Variants in RAB15 observed in about 807,000 individuals in gnomAD.
RAB15 encodes the protein RAB15, member RAS oncogene family, also known as ras-related protein Rab-15.
RAB15 carries 13 observed loss-of-function variants against 31.8 expected under a neutral mutation model. The ratio of observed to expected loss-of-function variants is 0.41; its 90% CI spans 0.27 to 0.65. RAB15 has a LOEUF of 0.65. RAB15 is among the 30% of genes least tolerant of loss of function. The pLI, the probability that RAB15 is intolerant of heterozygous loss-of-function variation, is 0.32. For missense variants in RAB15, 220 were observed against 277.3 expected (o/e 0.79, Z 1.47); for synonymous variants, 100 against 105.6 (o/e 0.95, Z 0.33).
At position 64,971,801 on chromosome 14, in the gene RAB15, T is replaced by A. The variant is rs960807724; in HGVS notation, c.124+152A>T. The A allele has an allele frequency of 1.8e-4, 129 of 732,036 alleles. No homozygotes were observed. The highest frequency in any genetic ancestry group is 1.4e-3 in the Middle Eastern group (6 of 4,148). 45.3% of individuals were successfully genotyped at this position (732,036 alleles called of 1,614,324 possible). ...GGACACCCTCACCTGCCAAAACCTA[T>A]GCTCACCCCGAGATTTATCCCGGAC... On this transcript the variant is annotated intron_variant, in intron 1 of 6. Coordinates refer to ENST00000533601, the MANE Select transcript of RAB15 (RefSeq NM_001308154.2). The surrounding 1 kb of genome is among the most constrained non-coding windows in gnomAD (Gnocchi z 4.1).
chr14:64,952,482 C>T lies in RAB15; in HGVS notation c.185+29G>A. The T allele has an allele frequency of 1.3e-6, 2 of 1,581,528 alleles. No homozygotes were observed. The highest frequency in any genetic ancestry group is 1.7e-6 in the Non-Finnish European group (2 of 1,151,042). On this transcript the variant is annotated intron_variant, in intron 2 of 6. Transcript: ENST00000533601. This position sits in a 1 kb window ranked among gnomAD's most constrained non-coding sequence, Gnocchi z 4.2. ...AGCAGCCAGAAGTCCTCTTCTCCTA[C>T]ATCTGCCTCCTCCTCCTCCCCAGCT...
Position 64,971,736 on chromosome 14 carries a change from G to A in RAB15, c.124+217C>T. ...TGGGACGGAAGGCTTCCCGGCAAGAGGCGGGAGACCCCACCCCTGGTCCGG... is the reference window on the plus strand; with the variant it reads ...TGGGACGGAAGGCTTCCCGGCAAGAAGCGGGAGACCCCACCCCTGGTCCGG... On this transcript the variant is annotated intron_variant, in intron 1 of 6. Transcript: ENST00000533601. This position sits in a 1 kb window ranked among gnomAD's most constrained non-coding sequence, Gnocchi z 4.1. 1 of 567,262 alleles carries A rather than the reference G, an allele frequency of 1.8e-6. No individual in the cohort carries two copies. The highest frequency in any genetic ancestry group is 2.1e-5 in the South Asian group (1 of 48,576). 35.1% of individuals were successfully genotyped at this position (567,262 alleles called of 1,614,324 possible).
intron 1 of RAB15, among the ~76,000 whole-genome samples, chr14:64,963,040 C>G (rs943538274): frequency 6.6e-6 from 1 of 151,866 alleles, no homozygotes; most frequent in Non-Finnish European, 1.5e-5. Flanking sequence ...GCCCACCGTC[C>G]CTGTGTAGGT....
Position 64,951,227 on chromosome 14 carries a change from A to T in RAB15, c.247-76T>A. ...CATGGGGCCAGAAGGGGCCGTGGAA[A>T]CTTAAAGGTTGGGTCCCACTCTCCC... On this transcript the variant is annotated intron_variant, in intron 3 of 6. Transcript: ENST00000533601. The surrounding 1 kb of genome is among the most constrained non-coding windows in gnomAD (Gnocchi z 7.2). 1 of 1,275,444 alleles carries T rather than the reference A, an allele frequency of 7.8e-7. No individual in the cohort carries two copies. The highest frequency in any genetic ancestry group is 1.1e-6 in the Non-Finnish European group (1 of 895,672). The allele number at this position is 1,275,444 out of a possible 1,614,324, so 79.0% of individuals were successfully genotyped here.
Position 64,948,693 on chromosome 14 carries a change from G to C in RAB15, c.455C>G (p.Ala152Gly), listed in dbSNP as rs1886060421. 16 of 1,614,110 alleles carry C rather than the reference G, an allele frequency of 9.9e-6. No individual in the cohort carries two copies. The highest frequency in any genetic ancestry group is 1.2e-5 in the Non-Finnish European group (14 of 1,180,020). Reference sequence around the variant, plus strand: ...CTCTTTAATGTTGAGGTTGGTGCAGGCACTTGTTTCATAGAAGTCCATGCC... The same window carrying C: ...CTCTTTAATGTTGAGGTTGGTGCAGCCACTTGTTTCATAGAAGTCCATGCC... ...EYGMDFYETS[A>G]CTNLNIKESF... The change falls in exon 6 of 7, where the codon GCC becomes GGC. Residue 152 changes from alanine (A) to glycine (G), a missense_variant. Physicochemically the swap from Ala to Gly is moderately conservative, Grantham distance 60. Transcript: ENST00000533601. The surrounding 1 kb of genome is among the most constrained non-coding windows in gnomAD (Gnocchi z 7.0).
chr14:64,964,699 C>T (rs1887034842), intron 1 of RAB15, among the ~76,000 whole-genome samples: 1 of 151,516 alleles, frequency 6.6e-6, no homozygotes, highest in South Asian at 2.1e-4. Context: ...CCTCAGCCTC[C>T]CGAGTAGCTA....
Position 64,968,730 on chromosome 14 carries a change from T to G in RAB15, c.124+3223A>C, listed in dbSNP as rs1395195980. On this transcript the variant is annotated intron_variant, in intron 1 of 6. Coordinates refer to ENST00000533601, the MANE Select transcript of RAB15 (RefSeq NM_001308154.2). The surrounding 1 kb of genome is among the most constrained non-coding windows in gnomAD (Gnocchi z 4.9). ...GTCTCTAAAATGCCTGGCACAGAGC[T>G]TGGTAGTGAATGCTCAATTAATTTG... Among the ~76,000 whole-genome samples the G allele has an allele frequency of 6.6e-6, 1 of 152,210 alleles. No individual in the cohort carries two copies. Among genetic ancestry groups the G allele is most frequent in the Non-Finnish European group, 1.5e-5 (1 of 68,044 alleles).
chr14:64,949,749 A>AAAG (rs1161539905), intron 5 of RAB15, among the ~76,000 whole-genome samples: 2 of 148,878 alleles, frequency 1.3e-5, no homozygotes, highest in African/African-American at 5.0e-5. Flanking sequence ...AGAAAGAAAG[A>AAAG]AAAAAAAAAT....
Position 64,950,895 on chromosome 14 carries a change from G to A in RAB15, c.324+179C>T, listed in dbSNP as rs1353958739. 2 of 1,307,990 alleles carry A rather than the reference G, an allele frequency of 1.5e-6. No individual in the cohort carries two copies. Among genetic ancestry groups the A allele is most frequent in the Non-Finnish European group, 2.2e-6 (2 of 916,378 alleles). 81.0% of individuals were successfully genotyped at this position (1,307,990 alleles called of 1,614,324 possible). A position where few individuals can be genotyped will look rare whatever the true frequency, so the allele number is the denominator to read the frequency against. On this transcript the variant is annotated intron_variant, in intron 4 of 6. Transcript: ENST00000533601. This position sits in a 1 kb window ranked among gnomAD's most constrained non-coding sequence, Gnocchi z 5.6. ...AGCCGTGGAGGCCTGGCAGGGTATA[G>A]AGAGTGAGGGCATGGCAGCTTCGGT...
chr14:64,971,284 T>A lies in RAB15; in HGVS notation c.124+669A>T, dbSNP rs1280513069. ...GAGATGCCCTCAGGCGGGTCCTGCC[T>A]GCCTTCTGACCCCTTGGTCTGGGCA... On this transcript the variant is annotated intron_variant, in intron 1 of 6. Coordinates refer to ENST00000533601, the MANE Select transcript of RAB15 (RefSeq NM_001308154.2). This position sits in a 1 kb window ranked among gnomAD's most constrained non-coding sequence, Gnocchi z 4.1. Among the ~76,000 whole-genome samples the A allele has an allele frequency of 6.6e-6, 1 of 152,216 alleles. No individual in the cohort carries two copies. The highest frequency in any genetic ancestry group is 1.9e-4 in the East Asian group (1 of 5,186).
intron 1 of RAB15, among the ~76,000 whole-genome samples, chr14:64,965,907 C>G (rs1356740546): frequency 6.6e-6 from 1 of 152,004 alleles, no homozygotes; most frequent in East Asian, 1.9e-4. Context: ...ATGTTCCTTC[C>G]CAAGGTCATG....
At chr14:64,965,337 T>C (rs1887079597) in intron 1 of RAB15, among the ~76,000 whole-genome samples, 1 of 151,974 alleles carries the variant, frequency 6.6e-6, no homozygotes, top group African/African-American at 2.4e-5. Context: ...TGCATGCTTG[T>C]AATCCCAGCT....
rs571352703 is a variant in RAB15 at position 64,964,639 on chromosome 14, G to A, written c.124+7314C>T. 6.6e-5 allele frequency among the ~76,000 whole-genome samples: 10 copies of A among 151,918 alleles called. No homozygotes were observed. The South Asian group carries it at 1.9e-3, about 28-fold the overall frequency. ...CGCCCAGGCTGGAGTGCAGTGGTGCGATCTCAGCTTGTGGCAACCTCCACC... is the reference window on the plus strand; with the variant it reads ...CGCCCAGGCTGGAGTGCAGTGGTGCAATCTCAGCTTGTGGCAACCTCCACC... On this transcript the variant is annotated intron_variant, in intron 1 of 6. Coordinates refer to ENST00000533601, the MANE Select transcript of RAB15 (RefSeq NM_001308154.2).
Position 64,951,986 on chromosome 14 carries a change from CT to C in RAB15, c.186-324del, listed in dbSNP as rs1198275211. On this transcript the variant is annotated intron_variant, in intron 2 of 6. Transcript: ENST00000533601. This position sits in a 1 kb window ranked among gnomAD's most constrained non-coding sequence, Gnocchi z 7.2. ...GGATGGGAGTTGGCAGGGGATGCTG[CT>C]ACACCCCTAGTCCCTATGGGACCTC... Among the ~76,000 whole-genome samples the C allele has an allele frequency of 2.3e-4, 35 of 152,312 alleles. No homozygotes were observed. The highest frequency in any genetic ancestry group is 7.9e-4 in the African/African-American group (33 of 41,574).
Position 64,948,879 on chromosome 14 carries a change from G to A in RAB15, c.415-146C>T. ...TAGATAATTTCTCAGATGGGACTGG[G>A]AGCTCCAAGAGAGGGTAGCAGAGAA... On this transcript the variant is annotated intron_variant, in intron 5 of 6. Transcript: ENST00000533601. This position sits in a 1 kb window ranked among gnomAD's most constrained non-coding sequence, Gnocchi z 7.0. 1 of 696,078 alleles carries A rather than the reference G, an allele frequency of 1.4e-6. No homozygotes were observed. Among genetic ancestry groups the A allele is most frequent in the South Asian group, 1.8e-5 (1 of 55,426 alleles). The allele number at this position is 696,078 out of a possible 1,614,324, so 43.1% of individuals were successfully genotyped here.
At position 64,953,996 on chromosome 14, in the gene RAB15, T is replaced by C. The variant is rs1886406714; in HGVS notation, c.125-1425A>G. 3.0e-6 allele frequency: 3 copies of C among 985,320 alleles called. No homozygotes were observed. Among genetic ancestry groups the C allele is most frequent in the Non-Finnish European group, 2.4e-6 (2 of 829,944 alleles). The allele number at this position is 985,320 out of a possible 1,614,324, so 61.0% of individuals were successfully genotyped here. On this transcript the variant is annotated intron_variant, in intron 1 of 6. Transcript: ENST00000533601. The surrounding 1 kb of genome is among the most constrained non-coding windows in gnomAD (Gnocchi z 4.6). ...GGGAGACATCTTCCCTTATCTGTGC[T>C]GTCCCCAGCTTTCTACAAAGGCAAA... is the stretch of plus-strand genomic sequence containing the variant.
At chr14:64,956,164 A>G (rs552735127) in intron 1 of RAB15, among the ~76,000 whole-genome samples, 6 of 152,256 alleles carry the variant, frequency 3.9e-5, no homozygotes, top group African/African-American at 1.4e-4. Flanking sequence ...AGACCTTGGG[A>G]GGCTGAGGTG....
At chr14:64,966,588 T>G (rs1395714556) in intron 1 of RAB15, among the ~76,000 whole-genome samples, 1 of 152,140 alleles carries the variant, frequency 6.6e-6, no homozygotes, top group Non-Finnish European at 1.5e-5. Flanking sequence ...GCTATTATTT[T>G]ATCGAGGGCT....
rs1248174720 is a variant in RAB15 at position 64,968,992 on chromosome 14, A to G, written c.124+2961T>C. On this transcript the variant is annotated intron_variant, in intron 1 of 6. Transcript: ENST00000533601. This position sits in a 1 kb window ranked among gnomAD's most constrained non-coding sequence, Gnocchi z 4.9. ...ATCGCAGGCCGTTAAAGTGGAGTAC[A>G]CAGTAAATCACAAAAGTACTGGCCT... 6.6e-6 allele frequency among the ~76,000 whole-genome samples: 1 copy of G among 152,216 alleles called. No homozygotes were observed. Among genetic ancestry groups the G allele is most frequent in the Non-Finnish European group, 1.5e-5 (1 of 68,028 alleles).
Sources: gnomAD v4.1 joint callset for allele counts (sites outside exome capture counted in the v4.1 genomes callset) on GRCh38, gnomAD v4.1.1 for gene constraint, Gnocchi (gnomAD v3.1) non-coding constraint, MANE v1.5 for transcripts, NCBI Gene and HGNC (gene_info 2026-07-23, HGNC 2026-07-21) for gene names.